The following CALR variants were observed in gnomAD, a reference collection of about 807,000 sequenced individuals.
CALR encodes the protein CRP55.
A neutral mutation model predicts 51.1 loss-of-function variants in CALR; 15 were observed. The ratio of observed to expected loss-of-function variants is 0.29; its 90% CI spans 0.20 to 0.45. The LOEUF (loss-of-function observed/expected upper bound fraction) is 0.45, where lower values mean the gene tolerates loss of function less well. Ranked by LOEUF, CALR falls within the 20% of genes least tolerant of loss-of-function variation. The probability of loss-of-function intolerance (pLI) is 1.00; values close to 1 mark genes in which losing one functional copy is unlikely to be tolerated. For missense variants in CALR, 477 were observed against 530.6 expected, an observed-to-expected ratio of 0.90 and a Z score of 0.99; for synonymous variants, 239 against 205.9, an observed-to-expected ratio of 1.16 and a Z score of -1.38.
At chr19:12,938,846 T>C in intron 1 of CALR, 76 bp downstream of exon 1, 4 of 1,148,556 alleles carry the variant, frequency 3.5e-6, no homozygotes, top group Non-Finnish European at 5.1e-6. Flanking sequence ...TTGTCGCCCG[T>C]AATTACCGTT....
Position 12,943,817 on chromosome 19 carries a change from G to A in CALR, c.1158G>A (p.Glu386=). ...RKEEEEAEDK[E]DDEDKDEDEE... ...AGGAGGAGGAGGCAGAGGACAAGGAGGATGATGAGGACAAAGATGAGGATG... is the reference window on the plus strand; with the variant it reads ...AGGAGGAGGAGGCAGAGGACAAGGAAGATGATGAGGACAAAGATGAGGATG... Residue 386 remains glutamate, a synonymous_variant, in exon 9 of 9, where the codon GAG becomes GAA. Transcript: ENST00000316448. 1 of 1,581,832 alleles carries A rather than the reference G, an allele frequency of 6.3e-7. No individual in the cohort carries two copies. Among genetic ancestry groups the A allele is most frequent in the East Asian group, 2.3e-5 (1 of 43,366 alleles).
rs1209410380 is a variant in CALR, at chr19:12,944,390, ACTGGGCCACTT to A, written c.*483_*493del. ...CCTCCCTTTCTCCCCTGCCCCCAGG[ACTGGGCCACTT>A]CTGGGTGGGGCAGTGGGTCCCAGAT... On this transcript the variant is annotated 3_prime_UTR_variant, in exon 9 of 9. Transcript: ENST00000316448. 7 of 233,622 alleles carry A rather than the reference ACTGGGCCACTT, an allele frequency of 3.0e-5. No homozygotes were observed. The highest frequency in any genetic ancestry group is 4.5e-5 in the African/African-American group (2 of 44,158). 14.5% of individuals were successfully genotyped at this position (233,622 alleles called of 1,614,324 possible). A position where few individuals can be genotyped will look rare whatever the true frequency, so the allele number is the denominator to read the frequency against.
intron 3 of CALR, 102 bp from the exon 4 acceptor site, chr19:12,939,951 A>G (rs1971522616): frequency 1.2e-6 from 1 of 866,256 alleles, no homozygotes; most frequent in Non-Finnish European, 1.9e-6. Flanking sequence ...CAGCCTTGAC[A>G]GACCCGAGTT....
At position 12,940,863 on chromosome 19, in the gene CALR, C is replaced by G. The variant is rs111306057; in HGVS notation, c.936C>G (p.Gly312=). 83 of 1,613,910 alleles carry G rather than the reference C, an allele frequency of 5.1e-5. No homozygotes were observed. The African/African-American group carries it at 1.0e-3, about 20-fold the overall frequency. Residue 312 remains glycine (G), a synonymous_variant, in exon 7 of 9, where the codon GGC becomes GGG. Transcript: ENST00000316448. The part of the protein sequence containing the change: ...DPSIYAYDNF[G]VLGLDLWQVK... ...GTATCTATGCCTATGATAACTTTGGCGTGCTGGGCCTGGACCTCTGGCAGG... is the reference window on the plus strand; with the variant it reads ...GTATCTATGCCTATGATAACTTTGGGGTGCTGGGCCTGGACCTCTGGCAGG...
In CALR at chr19:12,943,808, G is replaced by T; in HGVS notation, c.1149G>T (p.Glu383Asp). ...AACGCAAAGAGGAGGAGGAGGCAGAGGACAAGGAGGATGATGAGGACAAAG... is the reference window on the plus strand; with the variant it reads ...AACGCAAAGAGGAGGAGGAGGCAGATGACAAGGAGGATGATGAGGACAAAG... Reference protein sequence around the residue: ...DKKRKEEEEAEDKEDDEDKDE... With the variant: ...DKKRKEEEEADDKEDDEDKDE... Residue 383 changes from glutamate to aspartate, a missense_variant, in exon 9 of 9, where the codon GAG becomes GAT. Physicochemically the swap from Glu to Asp is conservative, Grantham distance 45. Transcript: ENST00000316448. The T allele has an allele frequency of 1.3e-6, 2 of 1,584,838 alleles. No individual in the cohort carries two copies. Among genetic ancestry groups the T allele is most frequent in the Non-Finnish European group, 1.7e-6 (2 of 1,165,148 alleles).
chr19:12,941,850 C>T (rs573715341), intron 7 of CALR, among the ~76,000 whole-genome samples: 24 of 151,932 alleles, frequency 1.6e-4, no homozygotes, highest in Admixed American at 7.2e-4. Context: ...GTCATCTGCC[C>T]GCCTCGGCCT....
At position 12,943,892 on chromosome 19, in the gene CALR, C is replaced by G; in HGVS notation, c.1233C>G (p.Gly411=). Residue 411 remains glycine (G), a synonymous_variant, in exon 9 of 9, where the codon GGC becomes GGG. Transcript: ENST00000316448. The part of the protein sequence containing the change: ...KEEDEEEDVP[G]QAKDEL The stretch of plus-strand genomic sequence containing the variant: ...AAGATGAGGAGGAAGATGTCCCCGG[C>G]CAGGCCAAGGACGAGCTGTAGAGAG... The G allele has an allele frequency of 6.3e-7, 1 of 1,597,528 alleles. No homozygotes were observed. The highest frequency in any genetic ancestry group is 8.5e-7 in the Non-Finnish European group (1 of 1,173,000).
chr19:12,942,598 T>C (rs1971564161), intron 7 of CALR, among the ~76,000 whole-genome samples: 2 of 150,958 alleles, frequency 1.3e-5, no homozygotes, highest in Admixed American at 1.3e-4. Flanking sequence ...TCCATCTTTT[T>C]TTTTTTTTTT....
Position 12,938,639 on chromosome 19 carries a change from C to G in CALR, c.-41C>G, listed in dbSNP as rs775824052. On this transcript the variant is annotated 5_prime_UTR_variant, in exon 1 of 9. Coordinates refer to ENST00000316448, the MANE Select transcript of CALR (RefSeq NM_004343.4). ...TACTGCAGAGCCGCTGCCGGAGGGT[C>G]GTTTTAAAGGGCCCGCGCGTTGCCG... 2.2e-5 allele frequency: 33 copies of G among 1,488,294 alleles called. 1 individual carries two copies. The Admixed American group carries it at 2.7e-4, about 12-fold the overall frequency. The allele number at this position is 1,488,294 out of a possible 1,614,324, so 92.2% of individuals were successfully genotyped here.
At position 12,943,077 on chromosome 19, in the gene CALR, CTTTTTT is replaced by C. The variant is rs56396276; in HGVS notation, c.961-441_961-436del. On this transcript the variant is annotated intron_variant, in intron 7 of 8. Transcript: ENST00000316448. ...CCTGGCTGTCTCTCCATCTTTCCAT[CTTTTTT>C]TTTTTTTTTTTTTTTTTTGGAGATG... The C allele has an allele frequency of 2.6e-4, 20 of 77,430 alleles. No homozygotes were observed. The East Asian group carries it at 2.7e-3, about 10-fold the overall frequency. The allele number at this position is 77,430 out of a possible 1,614,324, so 4.8% of individuals were successfully genotyped here. A position where few individuals can be genotyped will look rare whatever the true frequency, so the allele number is the denominator to read the frequency against.
Position 12,940,539 on chromosome 19 carries a change from A to G in CALR, c.703-2A>G. On this transcript the variant is annotated splice_acceptor_variant, in intron 5 of 8. Transcript: ENST00000316448. LOFTEE classifies it high-confidence loss of function. ...ACTCTGATCTCTTCATCTACCCCCC[A>G]GGACTGGGACAAGCCCGAGCATATC... is the stretch of plus-strand genomic sequence containing the variant. 1 of 1,614,034 alleles carries G rather than the reference A, an allele frequency of 6.2e-7. No individual in the cohort carries two copies. The highest frequency in any genetic ancestry group is 8.5e-7 in the Non-Finnish European group (1 of 1,179,922).
At chr19:12,941,278 G>A (rs770044463) in intron 7 of CALR, among the ~76,000 whole-genome samples, 3 of 151,858 alleles carry the variant, frequency 2.0e-5, no homozygotes, top group African/African-American at 4.8e-5. Flanking sequence ...ACACAGCGAG[G>A]AGACCCTATC....
At chr19:12,938,984 A>C (rs2146011716) in intron 1 of CALR, 150 bp from the exon 2 acceptor site, 1 of 712,766 alleles carries the variant, frequency 1.4e-6, no homozygotes, top group East Asian at 2.7e-5. Context: ...GGATCTCTGA[A>C]GGCACCCGAC....
At chr19:12,939,060 G>A in intron 1 of CALR, 74 bp from the exon 2 acceptor site, 1 of 891,946 alleles carries the variant, frequency 1.1e-6, no homozygotes. Context: ...GCAGCTTGTG[G>A]CTCTCGGCAG....
At chr19:12,938,889 G>C (rs991460675) in intron 1 of CALR, 119 bp downstream of exon 1, 1 of 860,914 alleles carries the variant, frequency 1.2e-6, no homozygotes. Context: ...CCCGGGACTA[G>C]AGCCGCGGGC....
At chr19:12,941,377 C>CAGAT (rs1971543975) in intron 7 of CALR, among the ~76,000 whole-genome samples, 1 of 152,052 alleles carries the variant, frequency 6.6e-6, no homozygotes, top group African/African-American at 2.4e-5. Flanking sequence ...CTCACTGCGC[C>CAGAT]CTCCGTCTCC....
intron 7 of CALR, among the ~76,000 whole-genome samples, chr19:12,943,019 G>A (rs1971569346): frequency 6.7e-6 from 1 of 149,944 alleles, no homozygotes. Flanking sequence ...ACCTCCCAAA[G>A]TGCTGGGATT....
chr19:12,940,835 C>G lies in CALR; in HGVS notation c.908C>G (p.Pro303Arg), dbSNP rs772370252. The change falls in exon 7 of 9, where the codon CCC becomes CGC. Residue 303 changes from proline to arginine, a missense_variant. Physicochemically the swap from Pro to Arg is moderately radical, Grantham distance 103 (BLOSUM62 -2). Coordinates refer to ENST00000316448, the MANE Select transcript of CALR (RefSeq NM_004343.4). ...GACAACCCCGAGTATTCTCCCGATC[C>G]CAGTATCTATGCCTATGATAACTTT... is the stretch of plus-strand genomic sequence containing the variant. The part of the protein sequence containing the change: ...EIDNPEYSPD[P>R]SIYAYDNFGV... The G allele has an allele frequency of 3.1e-6, 5 of 1,613,988 alleles. No homozygotes were observed. In the African/African-American group the frequency reaches 4.0e-5, roughly 13 times the overall value.
intron 3 of CALR, among the ~76,000 whole-genome samples, 169 bp downstream of exon 3, chr19:12,939,800 C>T (rs1469278098): frequency 6.6e-6 from 1 of 152,026 alleles, no homozygotes; most frequent in Non-Finnish European, 1.5e-5. Flanking sequence ...ATTTAATTTG[C>T]GTGTTTGTAT....
Sources: gnomAD v4.1 joint callset for allele counts (sites outside exome capture counted in the v4.1 genomes callset) on GRCh38, gnomAD v4.1.1 for gene constraint, MANE v1.5 for transcripts, NCBI Gene and HGNC (gene_info 2026-07-23, HGNC 2026-07-21) for gene names.